Variants in GALNTL6 observed in about 807,000 individuals in gnomAD.
GALNTL6 encodes polypeptide N-acetylgalactosaminyltransferase-like 6.
GALNTL6 carries 46 observed loss-of-function variants against 73.7 expected under a neutral mutation model. That is an observed-to-expected ratio of 0.62 (90% CI 0.49 to 0.80). GALNTL6 has a LOEUF of 0.80. GALNTL6 is among the 30% of genes least tolerant of loss of function. The pLI, the probability that GALNTL6 is intolerant of heterozygous loss-of-function variation, is 0.00. For missense variants in GALNTL6, 604 were observed against 755.0 expected (o/e 0.80, Z 2.34); for synonymous variants, 259 against 263.7 (o/e 0.98, Z 0.17).
chr4:172,590,153 A>G (rs1288079687), intron 5 of GALNTL6, among the ~76,000 whole-genome samples: 1 of 152,142 alleles, frequency 6.6e-6, no homozygotes, highest in Non-Finnish European at 1.5e-5. Context: ...CCAAAATATC[A>G]GTTGCTTTAT....
intron 2 of GALNTL6, among the ~76,000 whole-genome samples, chr4:171,930,079 T>A (rs558921168): frequency 6.6e-6 from 1 of 152,334 alleles, no homozygotes; most frequent in East Asian, 1.9e-4. Flanking sequence ...TAACAGCCAA[T>A]GTGGCAGTGG....
chr4:171,913,271 T>C (rs1737524615), intron 2 of GALNTL6, among the ~76,000 whole-genome samples: 1 of 152,190 alleles, frequency 6.6e-6, no homozygotes, highest in South Asian at 2.1e-4. Context: ...CTCAGCTAAA[T>C]ACTGGAAAGA....
chr4:172,467,083 G>A lies in GALNTL6; in HGVS notation c.553+118394G>A, dbSNP rs552073277. Reference sequence around the variant, plus strand: ...ATTAATCAATACATCAACTCTTAGGGCATAGAAACTCAAAGCAGTACACTA... The same window carrying A: ...ATTAATCAATACATCAACTCTTAGGACATAGAAACTCAAAGCAGTACACTA... On this transcript the variant is annotated intron_variant, in intron 5 of 12. Transcript: ENST00000506823. Among the ~76,000 whole-genome samples, 46 of 152,214 alleles carry A rather than the reference G, an allele frequency of 3.0e-4. No individual in the cohort carries two copies. The South Asian group carries it at 8.9e-3, about 30-fold the overall frequency.
chr4:172,988,120 A>T (rs1751376714), intron 10 of GALNTL6, among the ~76,000 whole-genome samples: 1 of 152,206 alleles, frequency 6.6e-6, no homozygotes, highest in Admixed American at 6.5e-5. Context: ...ACAGGAAGAT[A>T]TGGGAAAGTT....
intron 2 of GALNTL6, among the ~76,000 whole-genome samples, chr4:171,907,315 C>A (rs151118921): frequency 6.6e-6 from 1 of 151,986 alleles, no homozygotes; most frequent in Non-Finnish European, 1.5e-5. Context: ...ACAAAATCAA[C>A]GTACGAAAAT....
intron 2 of GALNTL6, among the ~76,000 whole-genome samples, chr4:171,906,056 T>C (rs1737265613): frequency 6.6e-6 from 1 of 151,928 alleles, no homozygotes; most frequent in Non-Finnish European, 1.5e-5. Context: ...GATCTAAAAT[T>C]GACACCCTAA....
chr4:172,385,894 A>G (rs1406856926), intron 5 of GALNTL6, among the ~76,000 whole-genome samples: 2 of 151,550 alleles, frequency 1.3e-5, no homozygotes, highest in African/African-American at 4.9e-5. Context: ...TATTTATTAC[A>G]TTTATTGTTT....
rs1283944097 is a variant in GALNTL6 at position 172,064,475 on chromosome 4, G to C, written c.139-165181G>C. 3.3e-5 allele frequency among the ~76,000 whole-genome samples: 5 copies of C among 152,200 alleles called. No individual in the cohort carries two copies. The East Asian group carries it at 9.6e-4, about 29-fold the overall frequency. ...TTTTGATTGTACACAAACCTTTCTTGTGTCACACTTCTGAGACGTGGGAGG... is the reference window on the plus strand; with the variant it reads ...TTTTGATTGTACACAAACCTTTCTTCTGTCACACTTCTGAGACGTGGGAGG... On this transcript the variant is annotated intron_variant, in intron 2 of 12. Coordinates refer to ENST00000506823, the MANE Select transcript of GALNTL6 (RefSeq NM_001034845.3).
intron 2 of GALNTL6, among the ~76,000 whole-genome samples, chr4:172,186,633 G>A (rs1735423361): frequency 6.6e-6 from 1 of 152,018 alleles, no homozygotes; most frequent in South Asian, 2.1e-4. Context: ...CATCCTGGAG[G>A]ATGAACCTCG....
At chr4:172,520,630 G>T (rs1734747675) in intron 5 of GALNTL6, among the ~76,000 whole-genome samples, 1 of 151,396 alleles carries the variant, frequency 6.6e-6, no homozygotes, top group South Asian at 2.1e-4. Context: ...CCTCTGTGAA[G>T]AATGTTGATG....
At chr4:172,615,293 C>G (rs1039155080) in intron 5 of GALNTL6, among the ~76,000 whole-genome samples, 4 of 151,540 alleles carry the variant, frequency 2.6e-5, no homozygotes, top group African/African-American at 9.7e-5. Flanking sequence ...CATTATATAC[C>G]TCTTATTGTT....
At chr4:172,075,557 G>A (rs1731677240) in intron 2 of GALNTL6, among the ~76,000 whole-genome samples, 1 of 152,012 alleles carries the variant, frequency 6.6e-6, no homozygotes, top group South Asian at 2.1e-4. Flanking sequence ...GGATGGTCTC[G>A]ATCTCCTGAC....
intron 5 of GALNTL6, among the ~76,000 whole-genome samples, chr4:172,556,773 A>G (rs1441802183): frequency 6.6e-6 from 1 of 151,910 alleles, no homozygotes; most frequent in Admixed American, 6.6e-5. Context: ...AACAAAGAAA[A>G]AAAATTACTG....
chr4:172,835,656 G>A (rs1282360080), intron 7 of GALNTL6, among the ~76,000 whole-genome samples: 4 of 152,116 alleles, frequency 2.6e-5, no homozygotes, highest in African/African-American at 7.2e-5. Flanking sequence ...TGTACCATCC[G>A]GAATAGTGAG....
chr4:172,606,619 GTA>G (rs199738387), intron 5 of GALNTL6, among the ~76,000 whole-genome samples: 6 of 33,020 alleles, frequency 1.8e-4, no homozygotes, highest in South Asian at 1.2e-3. Context: ...TACATATATA[GTA>G]TATATATACT....
chr4:172,236,746 G>T (rs1372026925), intron 3 of GALNTL6, among the ~76,000 whole-genome samples: 1 of 101,844 alleles, frequency 9.8e-6, no homozygotes, highest in Non-Finnish European at 2.0e-5. Flanking sequence ...TTAATTTTAG[G>T]TATACATTTG....
chr4:172,943,161 T>G (rs1311346696), intron 9 of GALNTL6, among the ~76,000 whole-genome samples: 1 of 151,962 alleles, frequency 6.6e-6, no homozygotes, highest in Non-Finnish European at 1.5e-5. Flanking sequence ...CCTTGTTCTC[T>G]TGGATGACTT....
At chr4:172,236,100 G>A (rs187294338) in intron 3 of GALNTL6, among the ~76,000 whole-genome samples, 9 of 152,080 alleles carry the variant, frequency 5.9e-5, no homozygotes, top group South Asian at 2.1e-4. Flanking sequence ...CTAAATTCCC[G>A]TCTGAATATT....
intron 2 of GALNTL6, among the ~76,000 whole-genome samples, chr4:172,176,836 C>T (rs1735018620): frequency 6.6e-6 from 1 of 151,998 alleles, no homozygotes; most frequent in African/African-American, 2.4e-5. Flanking sequence ...TGTTATGAAA[C>T]CTAGTTAGAG....
Sources: allele counts gnomAD v4.1 joint callset (sites outside exome capture counted in the v4.1 genomes callset), GRCh38; gene constraint gnomAD v4.1.1; transcripts MANE v1.5; gene names NCBI Gene and HGNC (gene_info 2026-07-23, HGNC 2026-07-21).